PPP2R5E: variants seen among roughly 807,000 people sequenced by gnomAD.
The protein encoded by PPP2R5E is protein phosphatase 2 regulatory subunit B'epsilon, also known as serine/threonine-protein phosphatase 2A 56 kDa regulatory subunit epsilon isoform.
Under a neutral mutation model 65.3 loss-of-function variants are expected in PPP2R5E, and 4 were observed. The ratio of observed to expected loss-of-function variants is 0.06; its 90% CI spans 0.03 to 0.14. PPP2R5E has a LOEUF of 0.14. PPP2R5E is among the 10% of genes least tolerant of loss of function. The probability of loss-of-function intolerance (pLI) is 1.00; values close to 1 mark genes in which losing one functional copy is unlikely to be tolerated. For synonymous variants in PPP2R5E, 183 were observed against 187.4 expected, an observed-to-expected ratio of 0.98 and a Z score of 0.19; for missense variants, 274 against 556.1, an observed-to-expected ratio of 0.49 and a Z score of 5.10.
intron 2 of PPP2R5E, among the ~76,000 whole-genome samples, chr14:63,520,970 T>A (rs1447505754): frequency 6.9e-6 from 1 of 145,556 alleles, no homozygotes; most frequent in Non-Finnish European, 1.5e-5. Context: ...ACCAGGGAGG[T>A]AGAGCTTGCA....
intron 8 of PPP2R5E, among the ~76,000 whole-genome samples, chr14:63,392,834 G>C (rs1885102319): frequency 6.6e-6 from 1 of 152,262 alleles, no homozygotes; most frequent in South Asian, 2.1e-4. Flanking sequence ...ATGGGGGGAA[G>C]AGGGAGTCAG....
Position 63,393,815 on chromosome 14 carries a change from C to T in PPP2R5E, c.849+5G>A, listed in dbSNP as rs1441312348. The T allele has an allele frequency of 6.4e-7, 1 of 1,550,770 alleles. No individual in the cohort carries two copies. Among genetic ancestry groups the T allele is most frequent in the Non-Finnish European group, 8.9e-7 (1 of 1,128,926 alleles). ...TCTAAAAGTAGTTGTACAAAATCCT[C>T]CTACCTGTGCATGGAAGAGTGATAA... is the stretch of plus-strand genomic sequence containing the variant. On this transcript the variant is annotated splice_donor_5th_base_variant and intron_variant, in intron 8 of 13. Coordinates refer to ENST00000337537, the MANE Select transcript of PPP2R5E (RefSeq NM_006246.5).
intron 3 of PPP2R5E, among the ~76,000 whole-genome samples, chr14:63,435,129 A>G (rs1306770133): frequency 1.3e-5 from 2 of 152,218 alleles, no homozygotes; most frequent in African/African-American, 2.4e-5. Flanking sequence ...GGAGATGACA[A>G]TGTTCCAGAT....
chr14:63,444,785 C>T (rs556493985), intron 3 of PPP2R5E, among the ~76,000 whole-genome samples: 1 of 152,280 alleles, frequency 6.6e-6, no homozygotes, highest in Non-Finnish European at 1.5e-5. Flanking sequence ...AAATATGCCT[C>T]AGGGACAGAC....
chr14:63,425,942 T>A (rs1887309685), intron 3 of PPP2R5E, among the ~76,000 whole-genome samples: 1 of 152,236 alleles, frequency 6.6e-6, no homozygotes, highest in African/African-American at 2.4e-5. Flanking sequence ...GGTAGTTCTA[T>A]AAGTATATAC....
chr14:63,389,767 A>T lies in PPP2R5E; in HGVS notation c.955-36T>A, dbSNP rs74781750. ...AAGCAAAATACAAGATGTGAGGCAC[A>T]TCATGAAAAAAAATCCATAAGAACA... On this transcript the variant is annotated intron_variant, in intron 10 of 13. Transcript: ENST00000337537. 14,527 of 1,524,514 alleles carry T rather than the reference A, an allele frequency of 9.5e-3. 192 individuals are homozygous for T. The highest frequency in any genetic ancestry group is 0.066 in the African/African-American group (4,631 of 70,692). 94.4% of individuals were successfully genotyped at this position (1,524,514 alleles called of 1,614,324 possible). A position where few individuals can be genotyped will look rare whatever the true frequency, so the allele number is the denominator to read the frequency against.
chr14:63,486,200 T>C lies in PPP2R5E; in HGVS notation c.158-32315A>G, dbSNP rs545669728. ...TAAAAAATGTACCCTAATCCCATTTTAAAGTTCTAGGTCCTCTTTTCCCAA... is the reference window on the plus strand; with the variant it reads ...TAAAAAATGTACCCTAATCCCATTTCAAAGTTCTAGGTCCTCTTTTCCCAA... On this transcript the variant is annotated intron_variant, in intron 2 of 13. Coordinates refer to ENST00000337537, the MANE Select transcript of PPP2R5E (RefSeq NM_006246.5). Among the ~76,000 whole-genome samples the C allele has an allele frequency of 1.4e-4, 21 of 151,954 alleles. No individual in the cohort carries two copies. The South Asian group carries it at 4.4e-3, about 32-fold the overall frequency.
At chr14:63,467,251 A>AAAAAC (rs1566724791) in intron 2 of PPP2R5E, among the ~76,000 whole-genome samples, 1 of 150,726 alleles carries the variant, frequency 6.6e-6, no homozygotes, top group Non-Finnish European at 1.5e-5. Flanking sequence ...AACAAAAAAA[A>AAAAAC]CACTATTTAC....
chr14:63,520,546 T>C (rs1178602330), intron 2 of PPP2R5E, among the ~76,000 whole-genome samples: 1 of 152,114 alleles, frequency 6.6e-6, no homozygotes, highest in Non-Finnish European at 1.5e-5. Context: ...CAGAACAGTG[T>C]CTGGTGTATC....
At chr14:63,483,239 T>C (rs1008169990) in intron 2 of PPP2R5E, among the ~76,000 whole-genome samples, 5 of 151,514 alleles carry the variant, frequency 3.3e-5, no homozygotes, top group African/African-American at 7.3e-5. Context: ...GAAAGGAACA[T>C]GGGGAGGGGG....
At chr14:63,531,504 G>A (rs1474266007) in intron 2 of PPP2R5E, among the ~76,000 whole-genome samples, 3 of 151,704 alleles carry the variant, frequency 2.0e-5, no homozygotes, top group Non-Finnish European at 2.9e-5. Context: ...AAATAACATA[G>A]TTTGGCACTT....
chr14:63,443,603 T>C (rs1039393420), intron 3 of PPP2R5E, among the ~76,000 whole-genome samples: 4 of 152,108 alleles, frequency 2.6e-5, no homozygotes, highest in Admixed American at 6.5e-5. Context: ...AGTTCCATCA[T>C]TGTTCTTTTC....
intron 3 of PPP2R5E, among the ~76,000 whole-genome samples, chr14:63,426,699 CAA>C (rs1191603099): frequency 0.01 from 571 of 54,784 alleles, 1 homozygote; most frequent in African/African-American, 0.024. Flanking sequence ...AAAGGCTTAT[CAA>C]AAAAAAAAAA....
intron 2 of PPP2R5E, among the ~76,000 whole-genome samples, chr14:63,475,497 A>G (rs1463337447): frequency 6.6e-6 from 1 of 152,256 alleles, no homozygotes; most frequent in Admixed American, 6.5e-5. Flanking sequence ...GGAAGCTTAT[A>G]AATTCTAGGC....
intron 2 of PPP2R5E, among the ~76,000 whole-genome samples, chr14:63,462,735 A>C (rs1178322744): frequency 2.6e-5 from 4 of 152,184 alleles, no homozygotes; most frequent in Non-Finnish European, 5.9e-5. Flanking sequence ...GGCTTGATAT[A>C]ATGTATTTAA....
At chr14:63,516,057 G>A (rs941080364) in intron 2 of PPP2R5E, among the ~76,000 whole-genome samples, 3 of 151,874 alleles carry the variant, frequency 2.0e-5, no homozygotes, top group Admixed American at 6.6e-5. Context: ...CACCATGTTA[G>A]CCAGGATGGT....
intron 2 of PPP2R5E, among the ~76,000 whole-genome samples, chr14:63,530,074 G>C (rs1399434955): frequency 6.6e-6 from 1 of 152,084 alleles, no homozygotes; most frequent in Admixed American, 6.6e-5. Context: ...TTGAGAATCT[G>C]ATGAAAGCAA....
intron 3 of PPP2R5E, among the ~76,000 whole-genome samples, chr14:63,428,248 T>C (rs191461499): frequency 6.6e-6 from 1 of 152,184 alleles, no homozygotes; most frequent in African/African-American, 2.4e-5. Context: ...CAGTTAGATT[T>C]TGAAGCACTC....
At chr14:63,515,851 C>CT (rs1270658455) in intron 2 of PPP2R5E, among the ~76,000 whole-genome samples, 1,754 of 136,478 alleles carry the variant, frequency 0.013, 18 homozygotes, top group African/African-American at 0.033. Context: ...TTTTATTTTA[C>CT]TTTTTTTTTT....
Sources: allele counts gnomAD v4.1 joint callset (sites outside exome capture counted in the v4.1 genomes callset), GRCh38; gene constraint gnomAD v4.1.1; transcripts MANE v1.5; gene names NCBI Gene and HGNC (gene_info 2026-07-23, HGNC 2026-07-21).